EXT1: variants seen among roughly 807,000 people sequenced by gnomAD.
EXT1 encodes exostosin-1.
EXT1 carries 20 observed loss-of-function variants against 82.5 expected under a neutral mutation model. That is an observed-to-expected ratio of 0.24 (90% CI 0.17 to 0.35). The LOEUF (loss-of-function observed/expected upper bound fraction) is 0.35, where lower values mean the gene tolerates loss of function less well. EXT1 is among the 10% of genes least tolerant of loss of function. The probability of loss-of-function intolerance (pLI) is 1.00; values close to 1 mark genes in which losing one functional copy is unlikely to be tolerated. For missense variants in EXT1, 757 were observed against 936.5 expected (o/e 0.81, Z 2.50); for synonymous variants, 348 against 350.8 (o/e 0.99, Z 0.09).
chr8:117,914,003 T>G (rs1187680800), intron 1 of EXT1, among the ~76,000 whole-genome samples: 1 of 152,164 alleles, frequency 6.6e-6, no homozygotes, highest in Non-Finnish European at 1.5e-5. Context: ...GGACTTCCAA[T>G]CTGAGGACCC....
At chr8:117,823,358 T>C (rs2129751760) in intron 4 of EXT1, among the ~76,000 whole-genome samples, 1 of 152,216 alleles carries the variant, frequency 6.6e-6, no homozygotes, top group African/African-American at 2.4e-5. Context: ...CCCGAATCAT[T>C]TGTCAGTTGA....
At chr8:118,052,045 G>A (rs890817514) in intron 1 of EXT1, among the ~76,000 whole-genome samples, 1 of 152,192 alleles carries the variant, frequency 6.6e-6, no homozygotes, top group Non-Finnish European at 1.5e-5. Flanking sequence ...TAGAAGCTGG[G>A]AGTCTTTGCC....
chr8:118,083,198 T>C (rs1251234340), intron 1 of EXT1, among the ~76,000 whole-genome samples: 1 of 152,162 alleles, frequency 6.6e-6, no homozygotes, highest in Non-Finnish European at 1.5e-5. Context: ...CTTGAGGAAT[T>C]TAAGAACCAA....
rs141916801 is a variant in EXT1, at chr8:118,086,856, T to G, written c.962+23229A>C. Among the ~76,000 whole-genome samples the G allele has an allele frequency of 1.4e-3, 211 of 152,288 alleles. 1 individual carries two copies. The highest frequency in any genetic ancestry group is 1.8e-3 in the Admixed American group (28 of 15,306). On this transcript the variant is annotated intron_variant, in intron 1 of 10. Coordinates refer to ENST00000378204, the MANE Select transcript of EXT1 (RefSeq NM_000127.3). ...TAGTAGACAGAATGGGATAACTATT[T>G]AGGAGCTTAATTTTGTGTTAGACTA...
chr8:117,803,482 C>G (rs1292146329), intron 10 of EXT1, among the ~76,000 whole-genome samples: 1 of 152,130 alleles, frequency 6.6e-6, no homozygotes, highest in Non-Finnish European at 1.5e-5. Context: ...TCAGTATGAG[C>G]CACTGTGCCT....
intron 1 of EXT1, among the ~76,000 whole-genome samples, chr8:117,848,558 C>G (rs17503628): frequency 1.3e-5 from 2 of 152,194 alleles, no homozygotes; most frequent in East Asian, 3.9e-4. Context: ...CCAAAGGATG[C>G]CTTCATGCCC....
rs1415760714 is a variant in EXT1 at position 118,110,692 on chromosome 8, A to G, written c.355T>C (p.Tyr119His). The G allele has an allele frequency of 6.2e-7, 1 of 1,614,002 alleles. No individual in the cohort carries two copies. Among genetic ancestry groups the G allele is most frequent in the African/African-American group, 1.3e-5 (1 of 74,904 alleles). The change falls in exon 1 of 11, where the codon TAC (tyrosine) becomes CAC (histidine). Residue 119 changes from tyrosine (Y) to histidine (H), a missense_variant. Tyr to His is a moderately conservative substitution (Grantham distance 83). Coordinates refer to ENST00000378204, the MANE Select transcript of EXT1 (RefSeq NM_000127.3). ...CKKNGFKVYV[Y>H]PQQKGEKIAE... Reference sequence around the variant, plus strand: ...ATTTTCTCCCCTTTTTGCTGTGGGTATACGTAGACTTTGAAGCCGTTTTTC... The same window carrying G: ...ATTTTCTCCCCTTTTTGCTGTGGGTGTACGTAGACTTTGAAGCCGTTTTTC...
In EXT1 at chr8:118,085,141, A is replaced by G. The variant is rs868077090; in HGVS notation, c.962+24944T>C. Among the ~76,000 whole-genome samples, 3 of 152,236 alleles carry G rather than the reference A, an allele frequency of 2.0e-5. No homozygotes were observed. In the South Asian group the frequency reaches 6.2e-4, roughly 32 times the overall value. ...GACAAAGGGTTAGGAAAAAGTGTTT[A>G]GAGAGAGGTGGGTAAATTCAACTTG... is the stretch of plus-strand genomic sequence containing the variant. On this transcript the variant is annotated intron_variant, in intron 1 of 10. Coordinates refer to ENST00000378204, the MANE Select transcript of EXT1 (RefSeq NM_000127.3).
intron 10 of EXT1, among the ~76,000 whole-genome samples, chr8:117,803,393 C>T (rs774982080): frequency 2.6e-5 from 4 of 151,864 alleles, no homozygotes; most frequent in Non-Finnish European, 5.9e-5. Flanking sequence ...GATGGGGTTT[C>T]GACATGTTGG....
chr8:117,968,550 T>TTTA (rs1249074586), intron 1 of EXT1, among the ~76,000 whole-genome samples: 1 of 7,552 alleles, frequency 1.3e-4, no homozygotes, highest in Non-Finnish European at 1.8e-4. Flanking sequence ...TATTTATTTA[T>TTTA]TTATTTTTTT....
chr8:118,039,200 G>A (rs1379317711), intron 1 of EXT1, among the ~76,000 whole-genome samples: 1 of 152,240 alleles, frequency 6.6e-6, no homozygotes, highest in African/African-American at 2.4e-5. Context: ...TTTACAAAGT[G>A]TATGTAGGCT....
intron 1 of EXT1, among the ~76,000 whole-genome samples, chr8:117,948,957 C>T (rs540604778): frequency 3.7e-4 from 57 of 152,330 alleles, no homozygotes; most frequent in African/African-American, 1.2e-3. Context: ...CACCCATGCA[C>T]ATTTGTTCTC....
chr8:117,814,059 G>C (rs1410531547), intron 7 of EXT1, among the ~76,000 whole-genome samples: 2 of 151,116 alleles, frequency 1.3e-5, no homozygotes, highest in Non-Finnish European at 3.0e-5. Flanking sequence ...GGAGAAGGAG[G>C]AGAAGGAGGA....
chr8:117,909,959 G>C (rs1429421924), intron 1 of EXT1, among the ~76,000 whole-genome samples: 1 of 152,086 alleles, frequency 6.6e-6, no homozygotes, highest in Non-Finnish European at 1.5e-5. Context: ...GTAGAGACGG[G>C]GTTTCACCGT....
chr8:118,069,812 T>C (rs1019196054), intron 1 of EXT1, among the ~76,000 whole-genome samples: 2 of 152,222 alleles, frequency 1.3e-5, no homozygotes, highest in African/African-American at 2.4e-5. Flanking sequence ...GGTGAAAATC[T>C]ACCTGTAGTA....
At chr8:117,811,181 T>C (rs576300407) in intron 8 of EXT1, among the ~76,000 whole-genome samples, 9 of 152,314 alleles carry the variant, frequency 5.9e-5, no homozygotes, top group Admixed American at 4.6e-4. Flanking sequence ...AGGACTCAGA[T>C]GGATATAGCC....
chr8:118,066,455 T>G (rs1000182741), intron 1 of EXT1, among the ~76,000 whole-genome samples: 2 of 151,606 alleles, frequency 1.3e-5, no homozygotes, highest in African/African-American at 4.9e-5. Context: ...CGCCTCCCGG[T>G]TCAAGCGATT....
chr8:118,073,736 T>TC (rs1817151575), intron 1 of EXT1, among the ~76,000 whole-genome samples: 1 of 150,396 alleles, frequency 6.6e-6, no homozygotes, highest in South Asian at 2.1e-4. Flanking sequence ...GCACAAATAA[T>TC]TCCTTATGCA....
chr8:117,937,574 G>T (rs1193863518), intron 1 of EXT1, among the ~76,000 whole-genome samples: 1 of 152,226 alleles, frequency 6.6e-6, no homozygotes, highest in Non-Finnish European at 1.5e-5. Flanking sequence ...CTGGCTGGAA[G>T]CCAGAAGCCA....
Sources: gnomAD v4.1 joint callset for allele counts (sites outside exome capture counted in the v4.1 genomes callset) on GRCh38, gnomAD v4.1.1 for gene constraint, MANE v1.5 for transcripts, NCBI Gene and HGNC (gene_info 2026-07-23, HGNC 2026-07-21) for gene names.